The following HEATR5B variants were observed in gnomAD, a reference collection of about 807,000 sequenced individuals.
HEATR5B encodes HEAT repeat containing 5B.
Under a neutral mutation model 224.1 loss-of-function variants are expected in HEATR5B, and 156 were observed. The observed-to-expected ratio is 0.70, with a 90% confidence interval of 0.61 to 0.80. The LOEUF is 0.80. Ranked by LOEUF, HEATR5B falls within the 30% of genes least tolerant of loss-of-function variation. The pLI is 0.00. For synonymous variants in HEATR5B, 1,027 were observed against 893.0 expected, an observed-to-expected ratio of 1.15 and a Z score of -2.68; for missense variants, 2,323 against 2,535.5, an observed-to-expected ratio of 0.92 and a Z score of 1.80.
At chr2:37,053,429 C>G (rs947916727) in intron 17 of HEATR5B, 73 bp downstream of exon 17, 1 of 729,634 alleles carries the variant, frequency 1.4e-6, no homozygotes, top group African/African-American at 1.8e-5. Context: ...TTATAATAAT[C>G]TTGCTATGTC....
chr2:37,005,050 G>T (rs1204281996), intron 30 of HEATR5B, among the ~76,000 whole-genome samples: 1 of 152,158 alleles, frequency 6.6e-6, no homozygotes, highest in Non-Finnish European at 1.5e-5. Context: ...TCAGGATAGG[G>T]TTCAAACTCT....
At chr2:37,034,194 G>T (rs1044873040) in intron 21 of HEATR5B, among the ~76,000 whole-genome samples, 1 of 151,114 alleles carries the variant, frequency 6.6e-6, no homozygotes, top group African/African-American at 2.4e-5. Flanking sequence ...TTTTAGTAGA[G>T]ATGGGGTTTC....
At chr2:37,059,836 G>C (rs1340756729) in intron 12 of HEATR5B, among the ~76,000 whole-genome samples, 1 of 152,030 alleles carries the variant, frequency 6.6e-6, no homozygotes, top group Non-Finnish European at 1.5e-5. Flanking sequence ...AAATGGTCCA[G>C]TGAGAAAAAA....
chr2:37,068,282 CCTCT>C (rs1008736714), intron 8 of HEATR5B, among the ~76,000 whole-genome samples: 15 of 152,024 alleles, frequency 9.9e-5, no homozygotes, highest in Non-Finnish European at 1.9e-4. Context: ...TGTAATTGTT[CCTCT>C]CTAAGTTTTC....
Position 37,037,887 on chromosome 2 carries a change from C to G in HEATR5B, c.3184G>C (p.Val1062Leu). ...CTAGGAACAAGGCTAGATAGATTGACATGTCGTGGTGCAAACATGTGAAGC... is the reference window on the plus strand; with the variant it reads ...CTAGGAACAAGGCTAGATAGATTGAGATGTCGTGGTGCAAACATGTGAAGC... ...QQLHMFAPRH[V>L]NLSSLVPSLC... is the part of the protein sequence containing the mutation. Residue 1062 changes from valine to leucine, a missense_variant, in exon 21 of 36, where the codon GTC becomes CTC. Around this residue, in one of 12 missense-constraint regions of HEATR5B, gnomAD observed 88 missense variants for 86.8 expected, o/e 1.01. Transcript: ENST00000233099. 1 of 1,593,578 alleles carries G rather than the reference C, an allele frequency of 6.3e-7. No individual in the cohort carries two copies. Among genetic ancestry groups the G allele is most frequent in the Non-Finnish European group, 8.6e-7 (1 of 1,167,948 alleles).
At chr2:37,044,629 GTGGAAC>G (rs1025348987) in intron 18 of HEATR5B, among the ~76,000 whole-genome samples, 6 of 152,206 alleles carry the variant, frequency 3.9e-5, no homozygotes, top group African/African-American at 1.2e-4. Flanking sequence ...ATACCTAGAA[GTGGAAC>G]TGGTAGGCAA....
chr2:37,065,636 A>G (rs1671543323), intron 9 of HEATR5B, 119 bp downstream of exon 9: 2 of 882,572 alleles, frequency 2.3e-6, no homozygotes, highest in African/African-American at 3.4e-5. Flanking sequence ...ATTTAAGTAA[A>G]ACCTGATGAT....
At chr2:37,041,927 G>C (rs1403298661) in intron 18 of HEATR5B, among the ~76,000 whole-genome samples, 2 of 151,410 alleles carry the variant, frequency 1.3e-5, no homozygotes, top group African/African-American at 4.8e-5. Context: ...CTTATGTTTG[G>C]TTTTAAAAAT....
rs745540638 is a variant in HEATR5B, at chr2:36,981,698, T to C, written c.6008A>G (p.His2003Arg). 3 of 1,614,128 alleles carry C rather than the reference T, an allele frequency of 1.9e-6. No individual in the cohort carries two copies. The highest frequency in any genetic ancestry group is 2.5e-6 in the Non-Finnish European group (3 of 1,179,996). The change falls in exon 36 of 36, where the codon CAT (histidine) becomes CGT (arginine). Residue 2003 changes from histidine (H) to arginine (R), a missense_variant. Physicochemically the swap from His to Arg is conservative, Grantham distance 29. Coordinates refer to ENST00000233099, the MANE Select transcript of HEATR5B (RefSeq NM_019024.3). ...CATTAAATTCTGGAGTGCAAACTCA[T>C]GAAGATCTTTGGAAGCTGAACTTGC... Reference protein sequence around the residue: ...ASASSASKDLHEFALQNLMHI... With the variant: ...ASASSASKDLREFALQNLMHI...
chr2:37,075,975 T>C (rs922386950), intron 4 of HEATR5B: 1 of 156,800 alleles, frequency 6.4e-6, no homozygotes, highest in Admixed American at 6.5e-5. Flanking sequence ...AAATATTAAG[T>C]AAAAAAGTTG....
chr2:37,035,616 G>T (rs10048628), intron 21 of HEATR5B, among the ~76,000 whole-genome samples: 19,265 of 152,040 alleles, frequency 0.13, 1,518 homozygotes, highest in Non-Finnish European at 0.17. Context: ...TAGCTTCTGT[G>T]AACAACACAA....
chr2:37,051,493 AC>A (rs1326847686), intron 17 of HEATR5B, among the ~76,000 whole-genome samples: 5 of 151,938 alleles, frequency 3.3e-5, no homozygotes, highest in Admixed American at 1.3e-4. Flanking sequence ...TTTATTTGAG[AC>A]CAAAAATCTA....
intron 21 of HEATR5B, among the ~76,000 whole-genome samples, chr2:37,034,709 C>T (rs1669370285): frequency 6.7e-6 from 1 of 149,352 alleles, no homozygotes; most frequent in Non-Finnish European, 1.5e-5. Flanking sequence ...CGGGCTCAAG[C>T]GATCCTCTCG....
At chr2:37,078,361 C>A (rs1572951645) in intron 3 of HEATR5B, among the ~76,000 whole-genome samples, 1 of 152,142 alleles carries the variant, frequency 6.6e-6, no homozygotes, top group Admixed American at 6.5e-5. Flanking sequence ...GCATCACATG[C>A]CGGCATACAT....
At chr2:37,083,162 G>T in intron 2 of HEATR5B, 127 bp downstream of exon 2, 2 of 1,019,486 alleles carry the variant, frequency 2.0e-6, no homozygotes, top group Non-Finnish European at 3.0e-6. Context: ...TTTCCCATTC[G>T]TGTAATACTC....
chr2:36,995,181 C>G (rs1666613097), intron 33 of HEATR5B, among the ~76,000 whole-genome samples: 1 of 146,806 alleles, frequency 6.8e-6, no homozygotes. Context: ...CCTCTGCCTC[C>G]TGGGTTCAAG....
intron 33 of HEATR5B, among the ~76,000 whole-genome samples, chr2:36,998,639 C>T (rs1260467931): frequency 1.3e-5 from 2 of 152,092 alleles, no homozygotes; most frequent in Non-Finnish European, 2.9e-5. Flanking sequence ...ACAAAAATAT[C>T]ATTGACAGGG....
intron 24 of HEATR5B, among the ~76,000 whole-genome samples, chr2:37,025,368 G>A (rs534190375): frequency 5.4e-4 from 82 of 151,582 alleles, no homozygotes; most frequent in Middle Eastern, 3.4e-3. Flanking sequence ...AAACAATTAA[G>A]TTTATTAAAG....
At chr2:37,047,111 A>AGGTGAGAG (rs1258209244) in intron 18 of HEATR5B, among the ~76,000 whole-genome samples, 2 of 148,736 alleles carry the variant, frequency 1.3e-5, no homozygotes, top group East Asian at 3.9e-4. Flanking sequence ...CAAGAGGCTG[A>AGGTGAGAG]GGTGAGAGGG....
Sources: gnomAD v4.1 joint callset for allele counts (sites outside exome capture counted in the v4.1 genomes callset) on GRCh38, gnomAD v4.1.1 for gene constraint, gnomAD v4.1.1 regional missense constraint, MANE v1.5 for transcripts, NCBI Gene and HGNC (gene_info 2026-07-23, HGNC 2026-07-21) for gene names.